NCOR1: variants seen among roughly 807,000 people sequenced by gnomAD.
NCOR1 encodes the protein nuclear receptor corepressor 1.
NCOR1 carries 63 observed loss-of-function variants against 288.1 expected under a neutral mutation model. The ratio of observed to expected loss-of-function variants is 0.22; its 90% confidence interval spans 0.18 to 0.27. The LOEUF (loss-of-function observed/expected upper bound fraction) is 0.27, where lower values mean the gene tolerates loss of function less well. Ranked by LOEUF, NCOR1 falls within the 10% of genes least tolerant of loss-of-function variation. The probability of loss-of-function intolerance (pLI) is 1.00; values close to 1 mark genes in which losing one functional copy is unlikely to be tolerated. For missense variants in NCOR1, 2,397 were observed against 3,019.2 expected (o/e 0.79, Z 4.83); for synonymous variants, 1,007 against 1,065.9 (o/e 0.94, Z 1.08).
chr17:16,198,965 A>G (rs1238733729), intron 1 of NCOR1, among the ~76,000 whole-genome samples: 1 of 152,042 alleles, frequency 6.6e-6, no homozygotes, highest in Non-Finnish European at 1.5e-5. Context: ...TTAGAAACCC[A>G]TGAGGTACAA....
intron 42 of NCOR1, chr17:16,045,151 C>T (rs1309672040): frequency 1.4e-5 from 3 of 208,556 alleles, no homozygotes; most frequent in Admixed American, 5.4e-5. Context: ...TGCATATCAA[C>T]CCAGAGGAAA....
chr17:16,053,597 T>C (rs1435163326), intron 40 of NCOR1, among the ~76,000 whole-genome samples: 1 of 152,084 alleles, frequency 6.6e-6, no homozygotes, highest in Non-Finnish European at 1.5e-5. Flanking sequence ...AGAATCAATA[T>C]CATTAAAATG....
intron 14 of NCOR1, among the ~76,000 whole-genome samples, chr17:16,133,446 C>A (rs1021503805): frequency 3.9e-5 from 6 of 152,150 alleles, no homozygotes; most frequent in African/African-American, 1.4e-4. Context: ...CTGAGCTAAA[C>A]CCTCCTGACT....
In NCOR1 at chr17:16,063,385, G is replaced by A. The variant is rs1269926213; in HGVS notation, c.5221+683C>T. On this transcript the variant is annotated intron_variant, in intron 35 of 45. Transcript: ENST00000268712. ...TATTTTAGAGACAGGGTCTCACCATGTTGCTGAGGCTGGTCTTGAATTCCT... is the reference window on the plus strand; with the variant it reads ...TATTTTAGAGACAGGGTCTCACCATATTGCTGAGGCTGGTCTTGAATTCCT... 2.0e-5 allele frequency among the ~76,000 whole-genome samples: 3 copies of A among 152,050 alleles called. No homozygotes were observed. The East Asian group carries it at 5.8e-4, about 29-fold the overall frequency.
chr17:16,182,942 A>G (rs1477033623), intron 3 of NCOR1, among the ~76,000 whole-genome samples: 1 of 152,176 alleles, frequency 6.6e-6, no homozygotes, highest in African/African-American at 2.4e-5. Flanking sequence ...AAAACACGTC[A>G]TCTTAACTGA....
intron 3 of NCOR1, among the ~76,000 whole-genome samples, chr17:16,180,917 G>C (rs2085269764): frequency 6.6e-6 from 1 of 152,178 alleles, no homozygotes; most frequent in African/African-American, 2.4e-5. Context: ...CCAGCACTTT[G>C]GGAGGCTGAG....
chr17:16,041,422 T>G (rs1245302239), intron 42 of NCOR1: 7 of 147,928 alleles, frequency 4.7e-5, no homozygotes, highest in Admixed American at 4.7e-4. Flanking sequence ...TTTTTTTTTT[T>G]CCTTTGAGAT....
intron 9 of NCOR1, 100 bp from the exon 10 acceptor site, chr17:16,146,648 G>A: frequency 9.0e-7 from 1 of 1,114,130 alleles, no homozygotes; most frequent in Non-Finnish European, 1.2e-6. Flanking sequence ...GGTTAAGTCA[G>A]AAGTACATTT....
intron 23 of NCOR1, among the ~76,000 whole-genome samples, chr17:16,082,475 G>A (rs1296662421): frequency 6.6e-6 from 1 of 152,032 alleles, no homozygotes; most frequent in African/African-American, 2.4e-5. Context: ...TTACACTTTG[G>A]GAAACCCAGG....
At chr17:16,055,052 T>G (rs1025254206) in intron 40 of NCOR1, among the ~76,000 whole-genome samples, 1 of 152,100 alleles carries the variant, frequency 6.6e-6, no homozygotes, top group Admixed American at 6.5e-5. Flanking sequence ...GTGGAGAAAA[T>G]GGAACACTTA....
chr17:16,149,090 G>A (rs1286367283), intron 9 of NCOR1, among the ~76,000 whole-genome samples: 1 of 151,942 alleles, frequency 6.6e-6, no homozygotes, highest in Non-Finnish European at 1.5e-5. Flanking sequence ...AGAAAGAATA[G>A]TAATGTCTCA....
At position 16,121,286 on chromosome 17, in the gene NCOR1, A is replaced by G; in HGVS notation, c.1635-17T>C. The G allele has an allele frequency of 6.2e-7, 1 of 1,605,286 alleles. No individual in the cohort carries two copies. The highest frequency in any genetic ancestry group is 1.7e-5 in the Admixed American group (1 of 59,342). On this transcript the variant is annotated splice_polypyrimidine_tract_variant and intron_variant, in intron 15 of 45. Coordinates refer to ENST00000268712, the MANE Select transcript of NCOR1 (RefSeq NM_006311.4). ...GTATTTTCTCTGGACACAAAAGCAA[A>G]TGAAAACTTGTGTGATTCCAAAGTA...
intron 44 of NCOR1, among the ~76,000 whole-genome samples, chr17:16,038,891 C>G (rs112199481): frequency 0.015 from 2,308 of 152,320 alleles, 68 homozygotes; most frequent in African/African-American, 0.054. Context: ...CTGCCTCAGC[C>G]TCCTGAGTAC....
chr17:16,050,390 T>G (rs1389020956), intron 40 of NCOR1, among the ~76,000 whole-genome samples: 2 of 151,930 alleles, frequency 1.3e-5, no homozygotes, highest in Non-Finnish European at 2.9e-5. Context: ...ACTTGGCTGA[T>G]TTTTGTAGTT....
chr17:16,116,221 T>C (rs766172743), intron 18 of NCOR1, among the ~76,000 whole-genome samples: 1 of 152,196 alleles, frequency 6.6e-6, no homozygotes, highest in Non-Finnish European at 1.5e-5. Context: ...CCATGACACA[T>C]GGTAATTGTA....
intron 4 of NCOR1, among the ~76,000 whole-genome samples, chr17:16,168,839 C>T (rs1016847025): frequency 1.4e-4 from 22 of 151,822 alleles, no homozygotes; most frequent in South Asian, 4.2e-4. Context: ...AACTTGGTGG[C>T]GTGCGCCTGT....
rs2076681627 is a variant in NCOR1, at chr17:16,138,099, A to C, written c.1407+59T>G. On this transcript the variant is annotated intron_variant, in intron 13 of 45. Coordinates refer to ENST00000268712, the MANE Select transcript of NCOR1 (RefSeq NM_006311.4). ...TACTTATATGTGTCAGAGCACAAGA[A>C]TTTCAAAGTAACAACCATCACAAAC... The C allele has an allele frequency of 2.1e-6, 3 of 1,425,944 alleles. No homozygotes were observed. The Admixed American group carries it at 5.5e-5, about 26-fold the overall frequency. The allele number at this position is 1,425,944 out of a possible 1,614,324, so 88.3% of individuals were successfully genotyped here. A position where few individuals can be genotyped will look rare whatever the true frequency, so the allele number is the denominator to read the frequency against.
rs1190264005 is a variant in NCOR1, at chr17:16,127,329, G to GTATA, written c.1510-1127_1510-1124dup. On this transcript the variant is annotated intron_variant, in intron 14 of 45. Coordinates refer to ENST00000268712, the MANE Select transcript of NCOR1 (RefSeq NM_006311.4). Reference sequence around the variant, plus strand: ...TATATACATGTATGTATATATGTATGTATATATACATGTATGTATATATGT... The same window carrying GTATA: ...TATATACATGTATGTATATATGTATGTATATATATATACATGTATGTATATATGT... Among the ~76,000 whole-genome samples the GTATA allele has an allele frequency of 1.7e-4, 9 of 52,556 alleles. 4 individuals are homozygous for GTATA. The highest frequency in any genetic ancestry group is 5.5e-4 in the Non-Finnish European group (9 of 16,424). 34.5% of individuals were successfully genotyped at this position (52,556 alleles called of 152,430 possible). A position where few individuals can be genotyped will look rare whatever the true frequency, so the allele number is the denominator to read the frequency against.
intron 11 of NCOR1, among the ~76,000 whole-genome samples, chr17:16,140,494 T>C (rs191761429): frequency 1.3e-5 from 2 of 151,988 alleles, no homozygotes; most frequent in Non-Finnish European, 2.9e-5. Context: ...TGAGACCCCA[T>C]CTCTACAAAA....
Sources: gnomAD v4.1 joint callset for allele counts (sites outside exome capture counted in the v4.1 genomes callset) on GRCh38, gnomAD v4.1.1 for gene constraint, MANE v1.5 for transcripts, NCBI Gene and HGNC (gene_info 2026-07-23, HGNC 2026-07-21) for gene names.